IL6R: variants seen among roughly 807,000 people sequenced by gnomAD.
The protein encoded by IL6R is interleukin 6 receptor.
In IL6R, 38 loss-of-function variants were observed where a neutral mutation model predicts 48.3. That is an observed-to-expected ratio of 0.79 (90% CI 0.61 to 1.03). The LOEUF (loss-of-function observed/expected upper bound fraction) is 1.03. IL6R is among the 50% of genes least tolerant of loss of function. The pLI is 0.00. For missense variants in IL6R, 534 were observed against 618.3 expected (o/e 0.86, Z 1.45); for synonymous variants, 264 against 256.2 (o/e 1.03, Z -0.29).
intron 6 of IL6R, among the ~76,000 whole-genome samples, chr1:154,438,600 C>T (rs1353226553): frequency 6.6e-6 from 1 of 152,196 alleles, no homozygotes; most frequent in Non-Finnish European, 1.5e-5. Context: ...ATCCCGACCC[C>T]TGCCACTTTC....
intron 2 of IL6R, among the ~76,000 whole-genome samples, chr1:154,430,199 C>T (rs1310608331): frequency 2.6e-5 from 4 of 152,104 alleles, no homozygotes; most frequent in East Asian, 3.9e-4. Context: ...CCCTTTTTTT[C>T]GATCATCCTC....
chr1:154,441,268 C>G (rs1689916208), intron 6 of IL6R, among the ~76,000 whole-genome samples: 1 of 152,176 alleles, frequency 6.6e-6, no homozygotes, highest in South Asian at 2.1e-4. Flanking sequence ...CACTCTCCTT[C>G]TATTGGAAGA....
chr1:154,468,991 G>T lies in IL6R; in HGVS notation c.*3611G>T, dbSNP rs1157186391. 1 of 152,228 alleles carries T rather than the reference G, an allele frequency of 6.6e-6. No individual in the cohort carries two copies. The allele number at this position is 152,228 out of a possible 1,614,324, so 9.4% of individuals were successfully genotyped here. A position where few individuals can be genotyped will look rare whatever the true frequency, so the allele number is the denominator to read the frequency against. ...AGGGGCTGCACACGGAGGGGCAGGC[G>T]GGCCAGTTCAGGGTCCGTGCCAGGC... is the stretch of plus-strand genomic sequence containing the variant. On this transcript the variant is annotated 3_prime_UTR_variant, in exon 10 of 10. Coordinates refer to ENST00000368485, the MANE Select transcript of IL6R (RefSeq NM_000565.4).
At chr1:154,439,604 C>T (rs59502179) in intron 6 of IL6R, among the ~76,000 whole-genome samples, 7,448 of 152,238 alleles carry the variant, frequency 0.049, 466 homozygotes, top group African/African-American at 0.15. Context: ...CGTGAGCCAC[C>T]GCGCCCTGCC....
intron 1 of IL6R, among the ~76,000 whole-genome samples, chr1:154,416,110 T>G (rs1346695735): frequency 6.6e-6 from 1 of 152,180 alleles, no homozygotes; most frequent in Non-Finnish European, 1.5e-5. Flanking sequence ...CGCACTGTTT[T>G]AATTATGTAG....
At chr1:154,449,124 T>C (rs1182736704) in intron 7 of IL6R, among the ~76,000 whole-genome samples, 5 of 146,642 alleles carry the variant, frequency 3.4e-5, no homozygotes, top group Admixed American at 6.7e-5. Context: ...CTCGATCTCC[T>C]GACCTCATGA....
chr1:154,436,440 T>A (rs57502626), intron 6 of IL6R, among the ~76,000 whole-genome samples: 28,306 of 152,210 alleles, frequency 0.19, 2,835 homozygotes, highest in African/African-American at 0.26. Flanking sequence ...ATCGCGCCAC[T>A]GCACTCCAGC....
chr1:154,444,370 G>T (rs931988046), intron 6 of IL6R, among the ~76,000 whole-genome samples: 1 of 152,042 alleles, frequency 6.6e-6, no homozygotes, highest in Non-Finnish European at 1.5e-5. Context: ...CATCATGCCC[G>T]GCTAATTTTG....
intron 9 of IL6R, among the ~76,000 whole-genome samples, chr1:154,460,214 C>G (rs1359273985): frequency 1.3e-5 from 2 of 152,208 alleles, no homozygotes; most frequent in Admixed American, 1.3e-4. Flanking sequence ...AAGAAGGCAG[C>G]AGAGAGCTCA....
chr1:154,422,688 T>C (rs1003431402), intron 1 of IL6R, among the ~76,000 whole-genome samples: 1 of 152,214 alleles, frequency 6.6e-6, no homozygotes, highest in African/African-American at 2.4e-5. Flanking sequence ...GCTCCGTTGA[T>C]TGTGTGCTCT....
intron 1 of IL6R, chr1:154,414,479 T>C (rs1308563904): frequency 3.9e-6 from 4 of 1,029,254 alleles, no homozygotes; most frequent in African/African-American, 3.2e-5. Context: ...ATATTAGTTG[T>C]TGGGGCCCGG....
intron 6 of IL6R, among the ~76,000 whole-genome samples, chr1:154,440,870 C>T (rs1470594600): frequency 6.6e-6 from 1 of 152,204 alleles, no homozygotes; most frequent in Non-Finnish European, 1.5e-5. Flanking sequence ...CGAGGCTGCT[C>T]TTGAACTCCT....
At chr1:154,464,286 C>A (rs1386528553) in intron 9 of IL6R, among the ~76,000 whole-genome samples, 2 of 151,922 alleles carry the variant, frequency 1.3e-5, no homozygotes, top group African/African-American at 4.8e-5. Context: ...TCCCAAGTAT[C>A]TGGGATTACA....
chr1:154,449,854 T>C, intron 7 of IL6R, 57 bp from the exon 8 acceptor site: 1 of 1,143,954 alleles, frequency 8.7e-7, no homozygotes, highest in Non-Finnish European at 1.3e-6. Context: ...CTGAACTGGT[T>C]CTGAATGATG....
chr1:154,437,939 C>T (rs1441677268), intron 6 of IL6R, among the ~76,000 whole-genome samples: 1 of 151,440 alleles, frequency 6.6e-6, no homozygotes, highest in African/African-American at 2.4e-5. Context: ...TGGTCTTGAA[C>T]TCCTGACCTC....
At chr1:154,429,521 T>TG in intron 2 of IL6R, 77 bp downstream of exon 2, 2 of 1,491,932 alleles carry the variant, frequency 1.3e-6, no homozygotes, top group Non-Finnish European at 1.8e-6. Flanking sequence ...AGTCCCTGTC[T>TG]GAGCCTTCAA....
At chr1:154,449,334 G>C (rs1056028023) in intron 7 of IL6R, among the ~76,000 whole-genome samples, 4 of 152,006 alleles carry the variant, frequency 2.6e-5, no homozygotes, top group Non-Finnish European at 5.9e-5. Flanking sequence ...GACCAACATG[G>C]AGAAACCCTT....
At position 154,405,583 on chromosome 1, in the gene IL6R, G is replaced by A; in HGVS notation, c.-47G>A. On this transcript the variant is annotated 5_prime_UTR_variant, in exon 1 of 10. Coordinates refer to ENST00000368485, the MANE Select transcript of IL6R (RefSeq NM_000565.4). This position sits in a 1 kb window ranked among gnomAD's most constrained non-coding sequence, Gnocchi z 5.2. ...CACCCCTGCCGCCCGGTTCCCATTA[G>A]CCTGTCCGCCTCTGCGGGACCATGG... The A allele has an allele frequency of 8.6e-7, 1 of 1,163,398 alleles. No individual in the cohort carries two copies. The highest frequency in any genetic ancestry group is 1.1e-6 in the Non-Finnish European group (1 of 899,984). 72.1% of individuals were successfully genotyped at this position (1,163,398 alleles called of 1,614,324 possible).
chr1:154,464,155 TC>T (rs1691412877), intron 9 of IL6R, among the ~76,000 whole-genome samples: 3 of 77,380 alleles, frequency 3.9e-5, no homozygotes, highest in African/African-American at 9.9e-5. Flanking sequence ...TCTTTCCTTT[TC>T]TTTTTTTTTA....
Sources: gnomAD v4.1 joint callset for allele counts (sites outside exome capture counted in the v4.1 genomes callset) on GRCh38, gnomAD v4.1.1 for gene constraint, Gnocchi (gnomAD v3.1) non-coding constraint, MANE v1.5 for transcripts, NCBI Gene and HGNC (gene_info 2026-07-23, HGNC 2026-07-21) for gene names.